HSD17B12: variants seen among roughly 807,000 people sequenced by gnomAD.
The protein encoded by HSD17B12 is very-long-chain 3-oxoacyl-CoA reductase.
Under a neutral mutation model 39.3 loss-of-function variants are expected in HSD17B12, and 32 were observed. The ratio of observed to expected loss-of-function variants is 0.81; its 90% CI spans 0.61 to 1.09. The LOEUF (loss-of-function observed/expected upper bound fraction) is 1.09. HSD17B12 is among the 50% of genes least tolerant of loss of function. The probability of loss-of-function intolerance (pLI) is 0.00; values close to 1 mark genes in which losing one functional copy is unlikely to be tolerated. For missense variants in HSD17B12, 342 were observed against 382.9 expected, an observed-to-expected ratio of 0.89 and a Z score of 0.89; for synonymous variants, 150 against 146.7, an observed-to-expected ratio of 1.02 and a Z score of -0.16.
At chr11:43,659,479 A>T in the HSD17B12 span, among the ~76,000 whole-genome samples, 1 of 152,210 alleles carries the variant, frequency 6.6e-6, no homozygotes, top group Non-Finnish European at 1.5e-5. Context: ...CATCTTCTGC[A>T]TCGCTCACGC....
chr11:43,848,660 G>A (rs1951502051), intron 9 of HSD17B12: 1 of 152,162 alleles, frequency 6.6e-6, no homozygotes, highest in Non-Finnish European at 1.5e-5. Flanking sequence ...TAATTACAGA[G>A]GAAGAAACTA....
At chr11:43,843,141 A>C (rs1951442548) in intron 9 of HSD17B12, among the ~76,000 whole-genome samples, 1 of 152,222 alleles carries the variant, frequency 6.6e-6, no homozygotes, top group Non-Finnish European at 1.5e-5. Context: ...ACTTTGAATG[A>C]ATTTGATGAA....
chr11:43,585,107 A>G, the HSD17B12 span, among the ~76,000 whole-genome samples: 1 of 152,224 alleles, frequency 6.6e-6, no homozygotes, highest in African/African-American at 2.4e-5. Context: ...CTCTGAGGAC[A>G]CCAAACGTTG....
the HSD17B12 span, chr11:43,578,986 C>T: frequency 1.3e-5 from 2 of 151,670 alleles, no homozygotes; most frequent in Non-Finnish European, 1.5e-5. Context: ...GTAATGCGCG[C>T]TGGCTGCGTC....
At chr11:43,651,454 ATC>A in the HSD17B12 span, among the ~76,000 whole-genome samples, 1 of 152,168 alleles carries the variant, frequency 6.6e-6, no homozygotes, top group Non-Finnish European at 1.5e-5. Flanking sequence ...CAAACAGGCA[ATC>A]TCATATTTTG....
intron 7 of HSD17B12, among the ~76,000 whole-genome samples, chr11:43,836,649 G>T (rs919346442): frequency 6.6e-6 from 1 of 152,106 alleles, no homozygotes; most frequent in Middle Eastern, 3.4e-3. Flanking sequence ...CCCCAAAAAA[G>T]ATAAAGATAT....
At chr11:43,788,551 C>T (rs757341068) in intron 3 of HSD17B12, among the ~76,000 whole-genome samples, 2 of 152,072 alleles carry the variant, frequency 1.3e-5, no homozygotes, top group Non-Finnish European at 2.9e-5. Context: ...CCTCTTCCCA[C>T]TGCTGTCTCT....
At chr11:43,694,691 A>T (rs1443491881) in intron 1 of HSD17B12, among the ~76,000 whole-genome samples, 1 of 152,108 alleles carries the variant, frequency 6.6e-6, no homozygotes, top group Non-Finnish European at 1.5e-5. Context: ...CTGTCTCAAA[A>T]AAGAAACATA....
At chr11:43,690,170 T>G (rs1949839933) in intron 1 of HSD17B12, among the ~76,000 whole-genome samples, 1 of 151,482 alleles carries the variant, frequency 6.6e-6, no homozygotes, top group African/African-American at 2.4e-5. Context: ...TTCCTTTTTG[T>G]CATAGCACTT....
At chr11:43,799,692 TTAAGA>T (rs1246350183) in intron 4 of HSD17B12, among the ~76,000 whole-genome samples, 1 of 152,182 alleles carries the variant, frequency 6.6e-6, no homozygotes, top group African/African-American at 2.4e-5. Context: ...GTTGGATAAA[TTAAGA>T]TAATTTTTAA....
chr11:43,801,626 A>ATATATG (rs1950970221), intron 4 of HSD17B12, among the ~76,000 whole-genome samples: 1 of 19,484 alleles, frequency 5.1e-5, no homozygotes, highest in African/African-American at 1.3e-4. Context: ...ATATATATAT[A>ATATATG]TATATGTATA....
At chr11:43,703,384 C>T (rs537338757) in intron 1 of HSD17B12, among the ~76,000 whole-genome samples, 8 of 152,168 alleles carry the variant, frequency 5.3e-5, no homozygotes, top group East Asian at 1.9e-4. Flanking sequence ...TTAGTAGAGA[C>T]GGGGTTTCAC....
the HSD17B12 span, among the ~76,000 whole-genome samples, chr11:43,660,063 A>G: frequency 1.3e-4 from 20 of 152,188 alleles, no homozygotes; most frequent in Non-Finnish European, 2.8e-4. Context: ...CTGTCCTTCA[A>G]TGTTCTCTGA....
chr11:43,574,462 G>C, the HSD17B12 span, among the ~76,000 whole-genome samples: 1 of 152,176 alleles, frequency 6.6e-6, no homozygotes, highest in Non-Finnish European at 1.5e-5. Flanking sequence ...GTGGATCTAG[G>C]ATATGTGTGC....
chr11:43,839,031 G>A (rs992301684), intron 8 of HSD17B12, among the ~76,000 whole-genome samples: 1 of 152,076 alleles, frequency 6.6e-6, no homozygotes, highest in African/African-American at 2.4e-5. Flanking sequence ...CCTACTGCCT[G>A]CAGGTCAATG....
chr11:43,624,408 T>A, the HSD17B12 span, among the ~76,000 whole-genome samples: 4 of 152,086 alleles, frequency 2.6e-5, no homozygotes, highest in African/African-American at 9.6e-5. Context: ...ACCTTTCTTT[T>A]TCAGATGAGA....
At chr11:43,656,025 C>T in the HSD17B12 span, among the ~76,000 whole-genome samples, 1 of 152,118 alleles carries the variant, frequency 6.6e-6, no homozygotes, top group Non-Finnish European at 1.5e-5. Flanking sequence ...GCGGTGAATC[C>T]ATCTGGTCCT....
chr11:43,646,419 T>C, the HSD17B12 span: 2 of 152,256 alleles, frequency 1.3e-5, no homozygotes, highest in Admixed American at 1.3e-4. Flanking sequence ...TTTGGTGATG[T>C]GGTCAAATAC....
the HSD17B12 span, among the ~76,000 whole-genome samples, chr11:43,562,133 G>C: frequency 6.6e-6 from 1 of 152,224 alleles, no homozygotes; most frequent in African/African-American, 2.4e-5. Context: ...AATCAGAAGT[G>C]AGTTGGCTCA....
Sources: gnomAD v4.1 joint callset for allele counts (sites outside exome capture counted in the v4.1 genomes callset) on GRCh38, gnomAD v4.1.1 for gene constraint, MANE v1.5 for transcripts, NCBI Gene and HGNC (gene_info 2026-07-23, HGNC 2026-07-21) for gene names.